Variants in DCBLD1 observed in about 807,000 individuals in gnomAD.
DCBLD1 encodes discoidin, CUB and LCCL domain-containing protein 1.
In DCBLD1, 57 loss-of-function variants were observed where a neutral mutation model predicts 71.5. The ratio of observed to expected loss-of-function variants is 0.80; its 90% confidence interval spans 0.64 to 0.99. The LOEUF is 0.99. DCBLD1 is among the 50% of genes least tolerant of loss of function. DCBLD1 has a pLI of 0.00. For missense variants in DCBLD1, 891 were observed against 923.5 expected (o/e 0.96, Z 0.46); for synonymous variants, 380 against 363.8 (o/e 1.04, Z -0.51).
intron 1 of DCBLD1, 45 bp downstream of exon 1, chr6:117,482,938 G>A (rs951330647): frequency 1.7e-6 from 2 of 1,159,034 alleles, no homozygotes; most frequent in Non-Finnish European, 2.1e-6. Context: ...GAGGCGCCAG[G>A]GGCGGGCTGA....
intron 1 of DCBLD1, among the ~76,000 whole-genome samples, chr6:117,492,789 C>A (rs1244033021): frequency 1.3e-5 from 2 of 152,154 alleles, no homozygotes; most frequent in African/African-American, 4.8e-5. Flanking sequence ...TATGATAAGA[C>A]ACCATATGTC....
At chr6:117,554,394 C>T (rs1271797806), downstream of DCBLD1, among the ~76,000 whole-genome samples, 5 of 151,992 alleles carry the variant, frequency 3.3e-5, no homozygotes, top group Non-Finnish European at 7.4e-5. Context: ...TTTTTTCCCC[C>T]TCACAAGGAA....
At position 117,493,978 on chromosome 6, in the gene DCBLD1, A is replaced by G. The variant is rs535364998; in HGVS notation, c.113-9789A>G. 2.6e-5 allele frequency among the ~76,000 whole-genome samples: 4 copies of G among 152,312 alleles called. No homozygotes were observed. In the South Asian group the frequency reaches 6.2e-4, roughly 24 times the overall value. ...TATCTGTATATATATGTGTGTGTGTATATATGTGAAATAATTTGTAATCAA... is the reference window on the plus strand; with the variant it reads ...TATCTGTATATATATGTGTGTGTGTGTATATGTGAAATAATTTGTAATCAA... On this transcript the variant is annotated intron_variant, in intron 1 of 14. Transcript: ENST00000338728.
intron 2 of DCBLD1, among the ~76,000 whole-genome samples, chr6:117,510,093 A>C (rs946505275): frequency 6.6e-6 from 1 of 152,108 alleles, no homozygotes; most frequent in Non-Finnish European, 1.5e-5. Context: ...TCCTTAGTTC[A>C]AAAATTGTTA....
downstream of DCBLD1, among the ~76,000 whole-genome samples, chr6:117,550,374 A>G (rs575181274): frequency 1.3e-5 from 2 of 152,308 alleles, no homozygotes; most frequent in Admixed American, 1.3e-4. Context: ...AAAATTTTAC[A>G]TCTTTCTTTT....
At chr6:117,536,617 T>G (rs957263429) in intron 6 of DCBLD1, among the ~76,000 whole-genome samples, 1 of 152,192 alleles carries the variant, frequency 6.6e-6, no homozygotes, top group African/African-American at 2.4e-5. Flanking sequence ...TGGTGCTGGT[T>G]GCTACAGTAG....
At chr6:117,510,109 G>C (rs1348567731) in intron 2 of DCBLD1, among the ~76,000 whole-genome samples, 4 of 152,078 alleles carry the variant, frequency 2.6e-5, no homozygotes, top group Middle Eastern at 3.4e-3. Context: ...TGTTAATTGT[G>C]CCCCACTTCT....
At chr6:117,544,674 T>C (rs1216804654) in intron 13 of DCBLD1, 97 bp downstream of exon 13, 1 of 1,387,412 alleles carries the variant, frequency 7.2e-7, no homozygotes, top group African/African-American at 1.4e-5. Flanking sequence ...CCACATTTAT[T>C]TGGTTAAAAG....
At chr6:117,531,071 AT>A (rs1778702833) in intron 5 of DCBLD1, among the ~76,000 whole-genome samples, 1 of 152,176 alleles carries the variant, frequency 6.6e-6, no homozygotes, top group Admixed American at 6.5e-5. Flanking sequence ...AACTCTCTAA[AT>A]TGAATATCAC....
chr6:117,554,955 A>G (rs913381666), intron 14 of DCBLD1, among the ~76,000 whole-genome samples: 4 of 151,378 alleles, frequency 2.6e-5, no homozygotes, highest in Non-Finnish European at 5.9e-5. Flanking sequence ...TCTTGATCAG[A>G]TATTATTAGC....
intron 2 of DCBLD1, among the ~76,000 whole-genome samples, chr6:117,518,291 A>G (rs965452150): frequency 1.3e-5 from 2 of 152,180 alleles, no homozygotes; most frequent in Middle Eastern, 3.2e-3. Context: ...CTTCATTTCC[A>G]TCTGAGACCA....
rs765914670 is a variant in DCBLD1, at chr6:117,539,282, C to T, written c.1004C>T (p.Ser335Leu). 12 of 1,605,158 alleles carry T rather than the reference C, an allele frequency of 7.5e-6. No individual in the cohort carries two copies. Among genetic ancestry groups the T allele is most frequent in the South Asian group, 1.1e-5 (1 of 89,490 alleles). ...ATTAGGACCACAGGATCTACACAGTCGAACTTCAACTTTTATGTTAAGAGT... is the reference window on the plus strand; with the variant it reads ...ATTAGGACCACAGGATCTACACAGTTGAACTTCAACTTTTATGTTAAGAGT... The part of the protein sequence containing the change: ...TGIRTTGSTQ[S>L]NFNFYVKSFV... Residue 335 changes from serine to leucine, a missense_variant, in exon 9 of 15, where the codon TCG (serine) becomes TTG (leucine). Coordinates refer to ENST00000338728, the MANE Select transcript of DCBLD1 (RefSeq NM_001366458.2).
At chr6:117,546,356 C>T (rs550730939) in intron 14 of DCBLD1, among the ~76,000 whole-genome samples, 1 of 152,234 alleles carries the variant, frequency 6.6e-6, no homozygotes, top group East Asian at 1.9e-4. Context: ...TCTCCCTCCT[C>T]ACGTGCAGCC....
rs114803203 is a variant in DCBLD1 at position 117,548,591 on chromosome 6, A to G, written c.*152A>G. ...GTGATCCAGTAGGATCCTAGAGACA[A>G]CCTGTCATACTGTTTACAAAATTGT... On this transcript the variant is annotated 3_prime_UTR_variant, in exon 15 of 15. Transcript: ENST00000338728. 2.0e-3 allele frequency: 2,935 copies of G among 1,448,214 alleles called. 55 individuals are homozygous for G. In the African/African-American group the frequency reaches 0.036, roughly 18 times the overall value. The allele number at this position is 1,448,214 out of a possible 1,614,324, so 89.7% of individuals were successfully genotyped here. A position where few individuals can be genotyped will look rare whatever the true frequency, so the allele number is the denominator to read the frequency against.
intron 3 of DCBLD1, among the ~76,000 whole-genome samples, chr6:117,521,267 T>A (rs1227839414): frequency 6.6e-6 from 1 of 152,216 alleles, no homozygotes; most frequent in Non-Finnish European, 1.5e-5. Flanking sequence ...TTTTTTCTGT[T>A]AACTACAGAT....
intron 4 of DCBLD1, among the ~76,000 whole-genome samples, chr6:117,522,777 C>T (rs1261294026): frequency 7.2e-5 from 11 of 152,240 alleles, no homozygotes; most frequent in African/African-American, 2.6e-4. Flanking sequence ...GCACTTAGCA[C>T]AGAGTAAGTA....
intron 6 of DCBLD1, among the ~76,000 whole-genome samples, chr6:117,533,257 T>G (rs1435961484): frequency 6.6e-6 from 1 of 152,222 alleles, no homozygotes; most frequent in African/African-American, 2.4e-5. Flanking sequence ...TTAGGCGTTT[T>G]GGGATCCAGA....
At chr6:117,520,139 A>C (rs1778338058) in intron 3 of DCBLD1, among the ~76,000 whole-genome samples, 189 bp downstream of exon 3, 2 of 152,186 alleles carry the variant, frequency 1.3e-5, no homozygotes, top group Admixed American at 1.3e-4. Context: ...AGGTGTGTCC[A>C]ATCTTTTGGC....
At chr6:117,483,034 C>T in intron 1 of DCBLD1, 141 bp downstream of exon 1, 1 of 940,792 alleles carries the variant, frequency 1.1e-6, no homozygotes, top group Non-Finnish European at 1.3e-6. Context: ...GTCGGGCTCG[C>T]CGCCTGCCAT....
Sources: gnomAD v4.1 joint callset for allele counts (sites outside exome capture counted in the v4.1 genomes callset) on GRCh38, gnomAD v4.1.1 for gene constraint, MANE v1.5 for transcripts, NCBI Gene and HGNC (gene_info 2026-07-23, HGNC 2026-07-21) for gene names.